MROH9: variants seen among roughly 807,000 people sequenced by gnomAD.
MROH9 encodes maestro heat-like repeat-containing protein family member 9.
A neutral mutation model predicts 98.2 loss-of-function variants in MROH9; 92 were observed. The observed-to-expected ratio is 0.94, with a 90% CI of 0.79 to 1.11. The LOEUF is 1.11. MROH9 is among the 50% of genes most tolerant of loss of function. The pLI, the probability that MROH9 is intolerant of heterozygous loss-of-function variation, is 0.00. For synonymous variants in MROH9, 397 were observed against 368.9 expected (o/e 1.08, Z -0.87); for missense variants, 1,057 against 1,014.8 (o/e 1.04, Z -0.57).
chr1:171,009,798 T>C (rs1283809687), intron 15 of MROH9, among the ~76,000 whole-genome samples: 1 of 152,176 alleles, frequency 6.6e-6, no homozygotes, highest in African/African-American at 2.4e-5. Context: ...GAAAAATAGA[T>C]GAGTCAGGGA....
At chr1:170,937,818 C>T (rs551090336) in intron 1 of MROH9, among the ~76,000 whole-genome samples, 61 of 152,232 alleles carry the variant, frequency 4.0e-4, no homozygotes, top group Non-Finnish European at 5.9e-4. Flanking sequence ...CCACCGCGCC[C>T]GGCCCATAAT....
chr1:170,965,219 G>T lies in MROH9; in HGVS notation c.444G>T (p.Lys148Asn). The part of the protein sequence containing the change: ...LQERIMVIIN[K>N]VLRFTVTKVR... ...AGAGAATAATGGTGATCATCAACAA[G>T]GTGTTAAGATTTACAGTCACAAAAG... Residue 148 changes from lysine to asparagine, a missense_variant, in exon 7 of 22, where the codon AAG becomes AAT. Physicochemically the swap from Lys to Asn is moderately conservative, Grantham distance 94. Coordinates refer to ENST00000367759, the MANE Select transcript of MROH9 (RefSeq NM_001163629.2). The T allele has an allele frequency of 1.2e-6, 2 of 1,611,790 alleles. No homozygotes were observed. Among genetic ancestry groups the T allele is most frequent in the Non-Finnish European group, 1.7e-6 (2 of 1,178,308 alleles).
At chr1:171,059,670 A>G (rs1368885381) in intron 20 of MROH9, among the ~76,000 whole-genome samples, 2 of 152,230 alleles carry the variant, frequency 1.3e-5, no homozygotes, top group Admixed American at 1.3e-4. Context: ...AAAATGTGGC[A>G]CATATATACC....
intron 3 of MROH9, among the ~76,000 whole-genome samples, chr1:170,948,893 A>G (rs1451310260): frequency 6.6e-6 from 1 of 152,104 alleles, no homozygotes; most frequent in Non-Finnish European, 1.5e-5. Flanking sequence ...TTGTAGAATT[A>G]TAGATTTTAG....
At chr1:170,955,244 G>A (rs574954036) in intron 3 of MROH9, among the ~76,000 whole-genome samples, 1 of 152,062 alleles carries the variant, frequency 6.6e-6, no homozygotes, top group Non-Finnish European at 1.5e-5. Flanking sequence ...TTGGTTCCAC[G>A]ATTTTGCAAT....
Position 170,983,656 on chromosome 1 carries a change from G to A in MROH9, c.729+122G>A, listed in dbSNP as rs560306816. ...TTTCGTTTTTTTTTAAACTCAGTGTGATAAAATGTAAATGATTATAGACCA... is the reference window on the plus strand; with the variant it reads ...TTTCGTTTTTTTTTAAACTCAGTGTAATAAAATGTAAATGATTATAGACCA... On this transcript the variant is annotated intron_variant, in intron 9 of 21. Coordinates refer to ENST00000367759, the MANE Select transcript of MROH9 (RefSeq NM_001163629.2). 58 of 624,968 alleles carry A rather than the reference G, an allele frequency of 9.3e-5. No individual in the cohort carries two copies. In the South Asian group the frequency reaches 1.2e-3, roughly 12 times the overall value. 38.7% of individuals were successfully genotyped at this position (624,968 alleles called of 1,614,324 possible).
chr1:171,037,830 T>C (rs1180410695), intron 20 of MROH9, among the ~76,000 whole-genome samples: 1 of 152,028 alleles, frequency 6.6e-6, no homozygotes, highest in Non-Finnish European at 1.5e-5. Context: ...CTAACAGTGA[T>C]GAAAATATGG....
intron 7 of MROH9, among the ~76,000 whole-genome samples, chr1:170,968,786 TAAA>T (rs1365966125): frequency 6.6e-6 from 1 of 151,722 alleles, no homozygotes; most frequent in Non-Finnish European, 1.5e-5. Context: ...AAAAATAAAA[TAAA>T]GAGATAATGC....
intron 8 of MROH9, among the ~76,000 whole-genome samples, chr1:170,981,310 C>T (rs1017681796): frequency 1.3e-5 from 2 of 152,242 alleles, no homozygotes; most frequent in East Asian, 3.9e-4. Context: ...CATATGCATA[C>T]ATATGTTTAT....
intron 20 of MROH9, among the ~76,000 whole-genome samples, chr1:171,060,579 A>G (rs1413187063): frequency 6.6e-6 from 1 of 152,214 alleles, no homozygotes; most frequent in Non-Finnish European, 1.5e-5. Flanking sequence ...ACAATGATAG[A>G]CAGAATAGAA....
In MROH9 at chr1:170,995,267, A is replaced by C. The variant is rs1203483321; in HGVS notation, c.1195-122A>C. 8 of 1,007,138 alleles carry C rather than the reference A, an allele frequency of 7.9e-6. No individual in the cohort carries two copies. In the East Asian group the frequency reaches 1.9e-4, roughly 24 times the overall value. The allele number at this position is 1,007,138 out of a possible 1,614,324, so 62.4% of individuals were successfully genotyped here. ...ATGAATGGATACCCATATGTGCTTT[A>C]GGTTTTCTTCAAGGAGGCTGAAGGA... On this transcript the variant is annotated intron_variant, in intron 12 of 21. Transcript: ENST00000367759.
rs560350354 is a variant in MROH9 at position 171,034,571 on chromosome 1, A to G, written c.2281+9151A>G. ...GCAGAGGTATGCTTAATATTCAGAAATAATTATGACAGTGCTATTCACAAA... is the reference window on the plus strand; with the variant it reads ...GCAGAGGTATGCTTAATATTCAGAAGTAATTATGACAGTGCTATTCACAAA... On this transcript the variant is annotated intron_variant, in intron 20 of 21. Transcript: ENST00000367759. 3.3e-3 allele frequency among the ~76,000 whole-genome samples: 501 copies of G among 152,342 alleles called. 1 individual carries two copies. The highest frequency in any genetic ancestry group is 0.012 in the African/African-American group (481 of 41,584).
chr1:170,956,180 T>C (rs978658195), intron 3 of MROH9, among the ~76,000 whole-genome samples: 2 of 152,336 alleles, frequency 1.3e-5, no homozygotes, highest in Middle Eastern at 6.8e-3. Flanking sequence ...TCTATGTGCC[T>C]ATTTTTATAC....
intron 15 of MROH9, among the ~76,000 whole-genome samples, chr1:171,003,422 T>C (rs1006392413): frequency 4.6e-5 from 7 of 152,208 alleles, no homozygotes; most frequent in Non-Finnish European, 8.8e-5. Flanking sequence ...AATTTTTTTG[T>C]CCCACAGGGT....
intron 8 of MROH9, among the ~76,000 whole-genome samples, chr1:170,981,700 C>G (rs768844779): frequency 6.7e-6 from 1 of 149,410 alleles, no homozygotes; most frequent in Non-Finnish European, 1.5e-5. Flanking sequence ...CAAACCTGCA[C>G]GTTCTGCACA....
chr1:171,057,040 A>C (rs923023654), intron 20 of MROH9, among the ~76,000 whole-genome samples: 6 of 152,236 alleles, frequency 3.9e-5, no homozygotes, highest in Non-Finnish European at 7.3e-5. Context: ...CTGAAAACCC[A>C]AAAATCCAGA....
intron 20 of MROH9, among the ~76,000 whole-genome samples, chr1:171,030,843 T>C (rs1652882318): frequency 6.6e-6 from 1 of 152,186 alleles, no homozygotes; most frequent in Non-Finnish European, 1.5e-5. Context: ...AATATCTTTA[T>C]TAATTTTCTG....
At chr1:171,038,611 T>G (rs1311105200) in intron 20 of MROH9, among the ~76,000 whole-genome samples, 1 of 152,216 alleles carries the variant, frequency 6.6e-6, no homozygotes, top group Non-Finnish European at 1.5e-5. Flanking sequence ...TTTATCCTTG[T>G]GTTTTCTGAT....
In MROH9 at chr1:170,995,412, T is replaced by C. The variant is rs1308728657; in HGVS notation, c.1218T>C (p.Phe406=). Residue 406 remains phenylalanine, a synonymous_variant, in exon 13 of 22, where the codon TTT becomes TTC. Coordinates refer to ENST00000367759, the MANE Select transcript of MROH9 (RefSeq NM_001163629.2). ...PLAACQALCT[F]LPLGSYRKAV... ...AGGCATGCCAGGCCCTGTGCACCTTTCTGCCTCTTGGTTCCTACAGGAAAG... is the reference window on the plus strand; with the variant it reads ...AGGCATGCCAGGCCCTGTGCACCTTCCTGCCTCTTGGTTCCTACAGGAAAG... The C allele has an allele frequency of 6.2e-7, 1 of 1,613,428 alleles. No individual in the cohort carries two copies. The highest frequency in any genetic ancestry group is 1.7e-5 in the Admixed American group (1 of 59,954).
Sources: gnomAD v4.1 joint callset for allele counts (sites outside exome capture counted in the v4.1 genomes callset) on GRCh38, gnomAD v4.1.1 for gene constraint, MANE v1.5 for transcripts, NCBI Gene and HGNC (gene_info 2026-07-23, HGNC 2026-07-21) for gene names.